RASSF3: variants seen among roughly 807,000 people sequenced by gnomAD.
The protein encoded by RASSF3 is ras association domain-containing protein 3.
Under a neutral mutation model 19.9 loss-of-function variants are expected in RASSF3, and 19 were observed. The ratio of observed to expected loss-of-function variants is 0.96; its 90% confidence interval spans 0.67 to 1.40. The LOEUF is 1.40. Ranked by LOEUF, RASSF3 falls within the 40% of genes most tolerant of loss-of-function variation. The probability of loss-of-function intolerance (pLI) is 0.00; values close to 1 mark genes in which losing one functional copy is unlikely to be tolerated. For synonymous variants in RASSF3, 110 were observed against 104.2 expected (o/e 1.06, Z -0.34); for missense variants, 306 against 289.8 (o/e 1.06, Z -0.41).
intron 1 of RASSF3, among the ~76,000 whole-genome samples, chr12:64,668,239 C>G (rs900414300): frequency 3.4e-5 from 5 of 147,868 alleles, no homozygotes; most frequent in Admixed American, 6.8e-5. Flanking sequence ...TTTCCTCTAT[C>G]AAACCTTACC....
At chr12:64,564,706 G>A (rs540184911) in intron 2 of RASSF3, among the ~76,000 whole-genome samples, 1 of 151,938 alleles carries the variant, frequency 6.6e-6, no homozygotes, top group African/African-American at 2.4e-5. Context: ...TCTACAAGCT[G>A]CCATCTCCAA....
intron 2 of RASSF3, among the ~76,000 whole-genome samples, chr12:64,579,328 A>AT (rs74309670): frequency 0.34 from 49,702 of 147,356 alleles, 10,537 homozygotes; most frequent in Non-Finnish European, 0.47. Context: ...GAAGGGAATT[A>AT]TTAGCAATAG....
At chr12:64,523,547 G>A (rs1042231857) in intron 1 of RASSF3, among the ~76,000 whole-genome samples, 1 of 152,176 alleles carries the variant, frequency 6.6e-6, no homozygotes, top group Non-Finnish European at 1.5e-5. Flanking sequence ...AGCTCTCTGT[G>A]AAGACCAGCT....
chr12:64,643,770 T>G (rs1592440235), intron 1 of RASSF3, among the ~76,000 whole-genome samples: 2 of 152,312 alleles, frequency 1.3e-5, no homozygotes, highest in African/African-American at 4.8e-5. Flanking sequence ...CTGGGGTCTT[T>G]GGGTAAAAGC....
chr12:64,543,522 CCG>C, downstream of RASSF3, among the ~76,000 whole-genome samples: 1 of 80,606 alleles, frequency 1.2e-5, no homozygotes, highest in African/African-American at 3.8e-5. Context: ...CCGCCGCCCC[CCG>C]CTCTCCCCCG....
rs925959236 is a variant in RASSF3, at chr12:64,697,114, C to T, written c.*2202C>T. On this transcript the variant is annotated 3_prime_UTR_variant, in exon 5 of 5. Transcript: ENST00000542104. ...AGTAGATTGTCTGAATAGGCATCCTCATCTATATTTACCCAAAACCTCGCT... is the reference window on the plus strand; with the variant it reads ...AGTAGATTGTCTGAATAGGCATCCTTATCTATATTTACCCAAAACCTCGCT... 22 of 144,004 alleles carry T rather than the reference C, an allele frequency of 1.5e-4. No homozygotes were observed. The highest frequency in any genetic ancestry group is 2.4e-4 in the Non-Finnish European group (16 of 66,586). 8.9% of individuals were successfully genotyped at this position (144,004 alleles called of 1,614,324 possible).
chr12:64,622,011 G>A (rs1413491204), intron 1 of RASSF3, among the ~76,000 whole-genome samples: 1 of 151,988 alleles, frequency 6.6e-6, no homozygotes, highest in East Asian at 1.9e-4. Context: ...TAAATTTAGG[G>A]CTTGTTTTCC....
downstream of RASSF3, among the ~76,000 whole-genome samples, chr12:64,544,118 T>A (rs1240382778): frequency 1.3e-5 from 2 of 152,048 alleles, no homozygotes; most frequent in African/African-American, 4.8e-5. Context: ...GTGTTTGCAA[T>A]AAATCCTGGT....
intron 1 of RASSF3, among the ~76,000 whole-genome samples, chr12:64,611,237 C>T (rs533150472): frequency 3.3e-5 from 5 of 152,212 alleles, no homozygotes; most frequent in Non-Finnish European, 7.3e-5. Context: ...CCCGGGCGAC[C>T]TGGTGGAGTG....
intron 2 of RASSF3, among the ~76,000 whole-genome samples, chr12:64,591,872 C>G (rs1443193641): frequency 2.0e-5 from 3 of 151,694 alleles, no homozygotes; most frequent in Non-Finnish European, 2.9e-5. Flanking sequence ...TATCCCCCTA[C>G]AAATAACTAA....
intron 2 of RASSF3, among the ~76,000 whole-genome samples, chr12:64,600,173 A>C (rs539436322): frequency 1.3e-5 from 2 of 152,040 alleles, no homozygotes; most frequent in East Asian, 1.9e-4. Flanking sequence ...ACAAACAAAC[A>C]ACTAGCCAGG....
At chr12:64,634,747 C>T (rs11175481) in intron 1 of RASSF3, among the ~76,000 whole-genome samples, 17,031 of 129,310 alleles carry the variant, frequency 0.13, 1,226 homozygotes, top group East Asian at 0.3. Flanking sequence ...CACGACACAG[C>T]GAGACACCAT....
intron 2 of RASSF3, among the ~76,000 whole-genome samples, chr12:64,569,138 G>A (rs1405956381): frequency 2.0e-5 from 3 of 152,244 alleles, no homozygotes; most frequent in Admixed American, 6.5e-5. Context: ...TGGGCCAAGT[G>A]TAAACCCACT....
upstream of RASSF3, chr12:64,533,181 A>G (rs1038694949): frequency 5.3e-5 from 8 of 152,274 alleles, no homozygotes; most frequent in Admixed American, 2.6e-4. Context: ...GCTCTGAGTC[A>G]CGCAGGTCAG....
At chr12:64,583,562 T>C (rs184221478) in intron 2 of RASSF3, among the ~76,000 whole-genome samples, 1 of 152,284 alleles carries the variant, frequency 6.6e-6, no homozygotes, top group Admixed American at 6.5e-5. Flanking sequence ...GCAGAGGTTA[T>C]AGTGAGCCAA....
At chr12:64,599,907 C>G (rs1352418602) in intron 2 of RASSF3, among the ~76,000 whole-genome samples, 1 of 151,804 alleles carries the variant, frequency 6.6e-6, no homozygotes, top group Non-Finnish European at 1.5e-5. Flanking sequence ...TGGCGGGCGC[C>G]TGTAGTCCCA....
chr12:64,640,140 T>A (rs1871463555), intron 1 of RASSF3, among the ~76,000 whole-genome samples: 1 of 151,938 alleles, frequency 6.6e-6, no homozygotes, highest in Non-Finnish European at 1.5e-5. Flanking sequence ...TTTTAATCAG[T>A]TGATTTTTTT....
At chr12:64,671,492 A>G (rs1348984759) in intron 1 of RASSF3, among the ~76,000 whole-genome samples, 1 of 152,146 alleles carries the variant, frequency 6.6e-6, no homozygotes, top group Admixed American at 6.5e-5. Flanking sequence ...AGTGTTTCAC[A>G]CCCTATCTGC....
At chr12:64,578,520 A>ATT (rs1413420377) in intron 2 of RASSF3, among the ~76,000 whole-genome samples, 1 of 152,120 alleles carries the variant, frequency 6.6e-6, no homozygotes. Context: ...TTAGTCAGGC[A>ATT]TGATAGGGCA....
Sources: gnomAD v4.1 joint callset for allele counts (sites outside exome capture counted in the v4.1 genomes callset) on GRCh38, gnomAD v4.1.1 for gene constraint, MANE v1.5 for transcripts, NCBI Gene and HGNC (gene_info 2026-07-23, HGNC 2026-07-21) for gene names.